Variants in RANBP17 observed in about 807,000 individuals in gnomAD.
RANBP17 encodes the protein RAN binding protein 17.
A neutral mutation model predicts 141.2 loss-of-function variants in RANBP17; 158 were observed. The observed-to-expected ratio is 1.12, with a 90% CI of 0.98 to 1.28. RANBP17 has a LOEUF of 1.28. Ranked by LOEUF, RANBP17 falls within the 50% of genes most tolerant of loss-of-function variation. The probability of loss-of-function intolerance (pLI) is 0.00; values close to 1 mark genes in which losing one functional copy is unlikely to be tolerated. For missense variants in RANBP17, 1,438 were observed against 1,290.7 expected, an observed-to-expected ratio of 1.11 and a Z score of -1.75; for synonymous variants, 430 against 450.0, an observed-to-expected ratio of 0.96 and a Z score of 0.56.
intron 3 of RANBP17, among the ~76,000 whole-genome samples, chr5:170,888,390 T>C (rs1020316075): frequency 8.5e-5 from 13 of 152,322 alleles, no homozygotes; most frequent in South Asian, 4.1e-4. Context: ...GTTTATTTTA[T>C]TATAGTTTTG....
At chr5:171,018,701 A>G (rs540494005) in intron 14 of RANBP17, among the ~76,000 whole-genome samples, 28 of 152,306 alleles carry the variant, frequency 1.8e-4, no homozygotes, top group African/African-American at 6.7e-4. Context: ...GTCATCTGCA[A>G]ACAGAGACAA....
At chr5:170,953,526 GA>G in intron 12 of RANBP17, 70 bp from the exon 13 acceptor site, 1 of 973,306 alleles carries the variant, frequency 1.0e-6, no homozygotes, top group Non-Finnish European at 1.6e-6. Flanking sequence ...GCTGATTTTG[GA>G]ATTTCCCCCA....
At chr5:171,109,491 G>A (rs1755069396) in intron 14 of RANBP17, among the ~76,000 whole-genome samples, 2 of 152,120 alleles carry the variant, frequency 1.3e-5, no homozygotes, top group African/African-American at 2.4e-5. Flanking sequence ...TCGTCCCTCA[G>A]TATCTGTGTA....
intron 14 of RANBP17, among the ~76,000 whole-genome samples, chr5:171,132,373 AGTT>A (rs1023606167): frequency 1.3e-5 from 2 of 150,546 alleles, no homozygotes; most frequent in South Asian, 2.1e-4. Context: ...TTCTGACTTT[AGTT>A]GTTTTTTTTT....
intron 16 of RANBP17, among the ~76,000 whole-genome samples, chr5:171,178,330 G>A (rs943405815): frequency 1.3e-5 from 2 of 152,026 alleles, no homozygotes; most frequent in African/African-American, 4.8e-5. Context: ...CTTCATCCAT[G>A]TCCCTGCAAA....
intron 16 of RANBP17, among the ~76,000 whole-genome samples, chr5:171,179,530 A>C (rs1760744144): frequency 6.6e-6 from 1 of 152,126 alleles, no homozygotes; most frequent in South Asian, 2.1e-4. Flanking sequence ...TTTCATCAGG[A>C]TCTAACTCTG....
intron 24 of RANBP17, among the ~76,000 whole-genome samples, chr5:171,259,917 G>C (rs993106169): frequency 1.3e-5 from 2 of 151,930 alleles, no homozygotes; most frequent in Non-Finnish European, 2.9e-5. Context: ...GGAGGTAGAG[G>C]TTGCGACAAA....
intron 14 of RANBP17, among the ~76,000 whole-genome samples, chr5:171,113,013 C>T (rs1298156333): frequency 6.6e-6 from 1 of 152,110 alleles, no homozygotes; most frequent in African/African-American, 2.4e-5. Flanking sequence ...ACTTCAGAAT[C>T]ATGTCTGGCA....
intron 25 of RANBP17, among the ~76,000 whole-genome samples, chr5:171,268,699 C>A (rs1162605778): frequency 6.6e-6 from 1 of 152,032 alleles, no homozygotes; most frequent in Non-Finnish European, 1.5e-5. Flanking sequence ...GGAATCAGAC[C>A]CAGCCTTTAC....
At chr5:171,143,860 A>G (rs890827174) in intron 14 of RANBP17, among the ~76,000 whole-genome samples, 5 of 152,170 alleles carry the variant, frequency 3.3e-5, no homozygotes, top group Non-Finnish European at 7.4e-5. Flanking sequence ...GGAGAGGATA[A>G]TTATTCTCAG....
intron 14 of RANBP17, among the ~76,000 whole-genome samples, chr5:171,079,611 C>T (rs2127706461): frequency 6.6e-6 from 1 of 152,316 alleles, no homozygotes; most frequent in East Asian, 1.9e-4. Context: ...GGTCAGAAGA[C>T]ACCAACATCG....
chr5:171,202,120 TAGA>T (rs1445718289), intron 19 of RANBP17, among the ~76,000 whole-genome samples: 1 of 152,212 alleles, frequency 6.6e-6, no homozygotes, highest in Admixed American at 6.5e-5. Flanking sequence ...ATACAGTTGT[TAGA>T]GGAGGAAATG....
At chr5:171,076,170 A>G (rs1243447338) in intron 14 of RANBP17, among the ~76,000 whole-genome samples, 1 of 152,208 alleles carries the variant, frequency 6.6e-6, no homozygotes, top group Non-Finnish European at 1.5e-5. Flanking sequence ...AACAACCTTT[A>G]AAACTGTAAA....
chr5:170,946,267 A>G lies in RANBP17; in HGVS notation c.1469-7330A>G, dbSNP rs376884220. Among the ~76,000 whole-genome samples, 13 of 152,242 alleles carry G rather than the reference A, an allele frequency of 8.5e-5. No individual in the cohort carries two copies. The East Asian group carries it at 2.5e-3, about 29-fold the overall frequency. ...AGTATCTAAAAATCTAAATTGATAA[A>G]ACATAACAGGAAGGTAATTATTTAC... On this transcript the variant is annotated intron_variant, in intron 12 of 27. Coordinates refer to ENST00000523189, the MANE Select transcript of RANBP17 (RefSeq NM_022897.5).
At chr5:171,059,110 G>C (rs1488560872) in intron 14 of RANBP17, among the ~76,000 whole-genome samples, 2 of 151,206 alleles carry the variant, frequency 1.3e-5, no homozygotes, top group Non-Finnish European at 2.9e-5. Context: ...CCATTTTGTA[G>C]GTTGCCTGTT....
chr5:171,165,808 G>T (rs1053305147), intron 14 of RANBP17, among the ~76,000 whole-genome samples: 7 of 152,126 alleles, frequency 4.6e-5, no homozygotes, highest in African/African-American at 2.4e-5. Flanking sequence ...GGCTGGCAAG[G>T]TTTCAAATTA....
chr5:171,071,643 C>G (rs1581560384), intron 14 of RANBP17, among the ~76,000 whole-genome samples: 1 of 80,218 alleles, frequency 1.2e-5, no homozygotes, highest in Non-Finnish European at 2.2e-5. Flanking sequence ...GAACAATGAA[C>G]AGCTTTATGC....
intron 14 of RANBP17, among the ~76,000 whole-genome samples, chr5:171,050,233 A>C (rs1240310381): frequency 6.6e-6 from 1 of 152,212 alleles, no homozygotes; most frequent in Non-Finnish European, 1.5e-5. Flanking sequence ...ACTATAAACT[A>C]TAAACTACTA....
Position 171,221,839 on chromosome 5 carries a change from T to C in RANBP17, c.2421T>C (p.Tyr807=), listed in dbSNP as rs1315315007. Residue 807 remains tyrosine, a splice_region_variant and synonymous_variant, in exon 22 of 28, where the codon TAT becomes TAC. Coordinates refer to ENST00000523189, the MANE Select transcript of RANBP17 (RefSeq NM_022897.5). ...FREASKMVCT[Y]GNQILSLGSL... ...AAGCTAGTAAAATGGTTTGCACTTA[T>C]GGTGAGTGTCCTTTTCCATATGTGC... 9.0e-6 allele frequency: 14 copies of C among 1,564,018 alleles called. No homozygotes were observed. The highest frequency in any genetic ancestry group is 2.2e-5 in the South Asian group (2 of 89,634).
Sources: gnomAD v4.1 joint callset for allele counts (sites outside exome capture counted in the v4.1 genomes callset) on GRCh38, gnomAD v4.1.1 for gene constraint, MANE v1.5 for transcripts, NCBI Gene and HGNC (gene_info 2026-07-23, HGNC 2026-07-21) for gene names.